ADAMTS20: variants seen among roughly 807,000 people sequenced by gnomAD.
ADAMTS20 encodes the protein ADAM metallopeptidase with thrombospondin type 1 motif 20, also known as A disintegrin and metalloproteinase with thrombospondin motifs 20.
Under a neutral mutation model 260.1 loss-of-function variants are expected in ADAMTS20, and 225 were observed. The observed-to-expected ratio is 0.87, with a 90% CI of 0.78 to 0.97. ADAMTS20 has a LOEUF of 0.97. ADAMTS20 is among the 50% of genes least tolerant of loss of function. The probability of loss-of-function intolerance (pLI) is 0.00; values close to 1 mark genes in which losing one functional copy is unlikely to be tolerated. For synonymous variants in ADAMTS20, 802 were observed against 769.5 expected (o/e 1.04, Z -0.70); for missense variants, 2,400 against 2,337.7 (o/e 1.03, Z -0.55).
intron 10 of ADAMTS20, among the ~76,000 whole-genome samples, chr12:43,463,887 A>G (rs1381849892): frequency 6.6e-6 from 1 of 152,148 alleles, no homozygotes; most frequent in Non-Finnish European, 1.5e-5. Context: ...ACAACCTAGT[A>G]GGGAGGGAAG....
intron 11 of ADAMTS20, among the ~76,000 whole-genome samples, chr12:43,454,580 C>T (rs1044544277): frequency 6.6e-6 from 1 of 152,206 alleles, no homozygotes; most frequent in Non-Finnish European, 1.5e-5. Flanking sequence ...CACATTCAGC[C>T]TTGCTACCTG....
At chr12:43,478,309 G>A (rs1030175469) in intron 7 of ADAMTS20, among the ~76,000 whole-genome samples, 4 of 151,764 alleles carry the variant, frequency 2.6e-5, no homozygotes, top group Admixed American at 2.6e-4. Flanking sequence ...TAAAGAGAGA[G>A]CCAAATATAC....
Position 43,464,583 on chromosome 12 carries a change from T to C in ADAMTS20, c.1509+8A>G, listed in dbSNP as rs894481126. 2 of 1,605,864 alleles carry C rather than the reference T, an allele frequency of 1.2e-6. No individual in the cohort carries two copies. Among genetic ancestry groups the C allele is most frequent in the Non-Finnish European group, 1.7e-6 (2 of 1,177,612 alleles). On this transcript the variant is annotated splice_region_variant and intron_variant, in intron 10 of 38. Coordinates refer to ENST00000389420, the MANE Select transcript of ADAMTS20 (RefSeq NM_025003.5). ...TTCGAACAAAATAAAGGAATTTTCT[T>C]TTCTTACTATATGGGGACACATTTG...
chr12:43,369,689 A>C (rs990210301), intron 36 of ADAMTS20, among the ~76,000 whole-genome samples: 6 of 152,162 alleles, frequency 3.9e-5, no homozygotes, highest in African/African-American at 1.2e-4. Flanking sequence ...AATATCTGAA[A>C]TAGGTAAAGT....
chr12:43,522,632 G>A (rs1329599903), intron 3 of ADAMTS20, among the ~76,000 whole-genome samples: 1 of 152,120 alleles, frequency 6.6e-6, no homozygotes, highest in Admixed American at 6.5e-5. Flanking sequence ...AGAATTCAGA[G>A]GCTTTGTTTC....
intron 3 of ADAMTS20, among the ~76,000 whole-genome samples, chr12:43,517,299 C>T (rs1449115380): frequency 6.6e-6 from 1 of 151,768 alleles, no homozygotes; most frequent in Non-Finnish European, 1.5e-5. Flanking sequence ...GTACCGAATC[C>T]AAAAGAATCA....
intron 11 of ADAMTS20, among the ~76,000 whole-genome samples, chr12:43,454,510 C>T (rs1054153198): frequency 1.3e-5 from 2 of 152,174 alleles, no homozygotes. Flanking sequence ...TGGAAACTTA[C>T]AGAAGAATCT....
At chr12:43,392,899 A>G (rs1351251313) in intron 29 of ADAMTS20, among the ~76,000 whole-genome samples, 2 of 152,080 alleles carry the variant, frequency 1.3e-5, no homozygotes. Context: ...TTCTCTTAAA[A>G]AGCTCTTTCT....
At chr12:43,370,426 G>A (rs149701093) in intron 36 of ADAMTS20, among the ~76,000 whole-genome samples, 254 of 152,296 alleles carry the variant, frequency 1.7e-3, no homozygotes, top group Non-Finnish European at 3.2e-3. Context: ...ATAACTGGTC[G>A]TCATTCATCT....
chr12:43,544,977 G>A (rs1943423786), intron 2 of ADAMTS20, among the ~76,000 whole-genome samples: 1 of 152,150 alleles, frequency 6.6e-6, no homozygotes, highest in Non-Finnish European at 1.5e-5. Context: ...TCTGCCAGTA[G>A]CATGCTCGCC....
intron 2 of ADAMTS20, among the ~76,000 whole-genome samples, chr12:43,543,430 ATTC>A (rs1371748186): frequency 2.6e-5 from 4 of 152,218 alleles, no homozygotes; most frequent in Non-Finnish European, 4.4e-5. Flanking sequence ...GGTGTCTCCT[ATTC>A]TTCTTTCTGT....
rs571759662 is a variant in ADAMTS20 at position 43,359,401 on chromosome 12, T to C, written c.5539-2813A>G. Among the ~76,000 whole-genome samples the C allele has an allele frequency of 2.0e-5, 3 of 152,362 alleles. No homozygotes were observed. In the East Asian group the frequency reaches 5.8e-4, roughly 29 times the overall value. ...ATTAAATAATTATGTTTTACAGTTTTTAAATGTACTGTACACATTTTATTA... is the reference window on the plus strand; with the variant it reads ...ATTAAATAATTATGTTTTACAGTTTCTAAATGTACTGTACACATTTTATTA... On this transcript the variant is annotated intron_variant, in intron 37 of 38. Transcript: ENST00000389420.
In ADAMTS20 at chr12:43,462,909, A is replaced by G. The variant is rs771439398; in HGVS notation, c.1600T>C (p.Cys534Arg). 3.7e-6 allele frequency: 6 copies of G among 1,605,798 alleles called. No individual in the cohort carries two copies. The Admixed American group carries it at 5.1e-5, about 14-fold the overall frequency. Residue 534 changes from cysteine to arginine, a missense_variant, in exon 11 of 39, where the codon TGC becomes CGC. Physicochemically the swap from Cys to Arg is radical, Grantham distance 180. Transcript: ENST00000389420. ...QHVPPADGTD[C>R]GPGMHCRHGL... ...AGAAAACCTACCATTCCAGGACCGC[A>G]GTCTGTTCCATCTGCTGGTGGCACG...
At chr12:43,501,481 G>GCGCGCGCACACACACACACACACACACA (rs373746834) in intron 4 of ADAMTS20, among the ~76,000 whole-genome samples, 20 of 117,840 alleles carry the variant, frequency 1.7e-4, no homozygotes, top group Admixed American at 3.3e-4. Context: ...GCGCGCGCGC[G>GCGCGCGCACACACACACACACACACACA]CACACACACA....
intron 37 of ADAMTS20, among the ~76,000 whole-genome samples, chr12:43,361,632 T>C (rs769216350): frequency 1.3e-5 from 2 of 152,188 alleles, no homozygotes; most frequent in Non-Finnish European, 1.5e-5. Context: ...TTTATAGCTA[T>C]ATAACTTTTT....
At chr12:43,436,538 C>T (rs1235375470) in intron 18 of ADAMTS20, among the ~76,000 whole-genome samples, 1 of 151,940 alleles carries the variant, frequency 6.6e-6, no homozygotes, top group African/African-American at 2.4e-5. Context: ...ATATATTTTA[C>T]GTTCTTTTTT....
intron 7 of ADAMTS20, among the ~76,000 whole-genome samples, chr12:43,482,455 T>C (rs1478411253): frequency 6.6e-6 from 1 of 152,246 alleles, no homozygotes; most frequent in Non-Finnish European, 1.5e-5. Flanking sequence ...AGCAGATCAC[T>C]GTGGGTGTAA....
At position 43,439,664 on chromosome 12, in the gene ADAMTS20, C is replaced by A; in HGVS notation, c.2551G>T (p.Asp851Tyr). Residue 851 changes from aspartate (D) to tyrosine (Y), a missense_variant, in exon 18 of 39, where the codon GAC becomes TAC. By Grantham distance (160) the Asp-to-Tyr change is radical (BLOSUM62 -3). Coordinates refer to ENST00000389420, the MANE Select transcript of ADAMTS20 (RefSeq NM_025003.5). ...LEERSDMFTW[D>Y]PYGPWEGCTK... ...CAGCCTTCCCATGGTCCATAGGGGT[C>A]CCATGTGAACATGTCACTCCTCTCT... 1 of 1,613,566 alleles carries A rather than the reference C, an allele frequency of 6.2e-7. No individual in the cohort carries two copies. The highest frequency in any genetic ancestry group is 8.5e-7 in the Non-Finnish European group (1 of 1,179,778).
chr12:43,416,851 G>C (rs1278400473), intron 28 of ADAMTS20, among the ~76,000 whole-genome samples: 2 of 152,034 alleles, frequency 1.3e-5, no homozygotes, highest in East Asian at 3.9e-4. Context: ...TGGTCTCTAT[G>C]GTTTTGCTAT....
Sources: gnomAD v4.1 joint callset for allele counts (sites outside exome capture counted in the v4.1 genomes callset) on GRCh38, gnomAD v4.1.1 for gene constraint, MANE v1.5 for transcripts, NCBI Gene and HGNC (gene_info 2026-07-23, HGNC 2026-07-21) for gene names.